The following SNX29 variants were observed in gnomAD, a reference collection of about 807,000 sequenced individuals.
The protein encoded by SNX29 is sorting nexin 29.
In SNX29, 78 loss-of-function variants were observed where a neutral mutation model predicts 102.1. That is an observed-to-expected ratio of 0.76 (90% confidence interval 0.64 to 0.92). The LOEUF (loss-of-function observed/expected upper bound fraction) is 0.92. Among genes scored for constraint, SNX29 ranks in the 40% least tolerant of loss-of-function variants. The pLI, the probability that SNX29 is intolerant of heterozygous loss-of-function variation, is 0.00. For missense variants in SNX29, 1,280 were observed against 1,061.7 expected (o/e 1.21, Z -2.86); for synonymous variants, 580 against 414.5 (o/e 1.40, Z -4.85).
At chr16:12,388,809 A>G (rs974992768) in intron 16 of SNX29, among the ~76,000 whole-genome samples, 1 of 152,150 alleles carries the variant, frequency 6.6e-6, no homozygotes, top group Non-Finnish European at 1.5e-5. Context: ...CTTGACCTGG[A>G]GGGTTCTGCC....
At chr16:12,329,307 C>A (rs537033541) in intron 15 of SNX29, among the ~76,000 whole-genome samples, 192 of 112,150 alleles carry the variant, frequency 1.7e-3, no homozygotes, top group African/African-American at 5.5e-3. Flanking sequence ...TGAAAAAATA[C>A]CCCCAGTAGC....
At chr16:12,310,530 G>A (rs2080504086) in intron 15 of SNX29, among the ~76,000 whole-genome samples, 1 of 151,010 alleles carries the variant, frequency 6.6e-6, no homozygotes, top group African/African-American at 2.5e-5. Context: ...AAAAAAAAAA[G>A]ACCATAAGGA....
chr16:12,567,559 G>A (rs375611450), intron 20 of SNX29, among the ~76,000 whole-genome samples: 1 of 152,036 alleles, frequency 6.6e-6, no homozygotes, highest in Non-Finnish European at 1.5e-5. Context: ...CTGAGCAAGA[G>A]GATCACTTGA....
chr16:12,538,079 G>C (rs923804732), intron 20 of SNX29, among the ~76,000 whole-genome samples: 1 of 150,676 alleles, frequency 6.6e-6, no homozygotes, highest in Non-Finnish European at 1.5e-5. Context: ...TTTCTTCTCA[G>C]TGGGCTAAGC....
intron 4 of SNX29, among the ~76,000 whole-genome samples, chr16:12,030,063 T>C (rs1397740673): frequency 6.6e-6 from 1 of 152,246 alleles, no homozygotes; most frequent in Admixed American, 6.5e-5. Context: ...CCTTGGGCAA[T>C]GAGGATCTGA....
rs570949479 is a variant in SNX29, at chr16:12,571,638, G to C, written c.*3009G>C. On this transcript the variant is annotated 3_prime_UTR_variant, in exon 21 of 21. Coordinates refer to ENST00000566228, the MANE Select transcript of SNX29 (RefSeq NM_032167.5). ...CTTTCACATCTTTTTTTCTCCCCCA[G>C]ATGAAAGACGACTCAGGAACGGTAG... 5.4e-5 allele frequency: 57 copies of C among 1,058,930 alleles called. No individual in the cohort carries two copies. The highest frequency in any genetic ancestry group is 6.1e-5 in the Non-Finnish European group (53 of 875,404). The allele number at this position is 1,058,930 out of a possible 1,614,324, so 65.6% of individuals were successfully genotyped here.
At chr16:12,496,572 G>A (rs1248897695) in intron 19 of SNX29, among the ~76,000 whole-genome samples, 1 of 145,354 alleles carries the variant, frequency 6.9e-6, no homozygotes, top group Non-Finnish European at 1.5e-5. Flanking sequence ...GTGCAGTGGT[G>A]CAATCTGAGT....
chr16:12,048,574 A>G lies in SNX29; in HGVS notation c.702A>G (p.Glu234=). ...SSAVSILIKP[E]QETDPLPVVS... is the part of the protein sequence containing the mutation. ...CCGTCTCCATCCTCATCAAACCTGA[A>G]CAGGAGACCGACCCCTTGCCTGTCG... The change falls in exon 7 of 21, where the codon GAA becomes GAG. Residue 234 remains glutamate, a synonymous_variant. Transcript: ENST00000566228. 6.2e-7 allele frequency: 1 copy of G among 1,613,922 alleles called. No homozygotes were observed. The highest frequency in any genetic ancestry group is 8.5e-7 in the Non-Finnish European group (1 of 1,179,854).
At chr16:12,049,469 A>G (rs2050218574) in intron 7 of SNX29, among the ~76,000 whole-genome samples, 1 of 151,382 alleles carries the variant, frequency 6.6e-6, no homozygotes, top group African/African-American at 2.4e-5. Flanking sequence ...AGTAGGTGGG[A>G]CTATAGGCAT....
intron 14 of SNX29, among the ~76,000 whole-genome samples, chr16:12,262,289 A>T (rs993148258): frequency 1.3e-5 from 2 of 152,262 alleles, no homozygotes; most frequent in Non-Finnish European, 2.9e-5. Context: ...AAATGAGGAG[A>T]CCCAGGCTCT....
At chr16:12,338,318 G>A (rs1373413246) in intron 15 of SNX29, among the ~76,000 whole-genome samples, 3 of 152,090 alleles carry the variant, frequency 2.0e-5, no homozygotes, top group Non-Finnish European at 4.4e-5. Context: ...AGTACACTCT[G>A]TTCAGAACCC....
chr16:12,078,812 C>T, intron 10 of SNX29, 21 bp from the exon 11 acceptor site: 3 of 1,584,768 alleles, frequency 1.9e-6, no homozygotes, highest in Non-Finnish European at 2.6e-6. Context: ...GTGTAACTTC[C>T]TCCTGCCTGC....
chr16:11,985,425 CTT>C (rs1283296314), intron 1 of SNX29, among the ~76,000 whole-genome samples: 1 of 152,134 alleles, frequency 6.6e-6, no homozygotes, highest in East Asian at 1.9e-4. Flanking sequence ...TATATGGTGT[CTT>C]GTAATGGAAA....
chr16:12,092,940 C>T (rs1020518507), intron 11 of SNX29, among the ~76,000 whole-genome samples: 5 of 152,172 alleles, frequency 3.3e-5, no homozygotes, highest in Non-Finnish European at 7.3e-5. Flanking sequence ...TGGCCCATAA[C>T]TTTTTATACC....
chr16:12,523,616 G>A (rs2090182956), intron 19 of SNX29, among the ~76,000 whole-genome samples: 1 of 152,224 alleles, frequency 6.6e-6, no homozygotes. Context: ...ATGGTGGGCA[G>A]TAGCTCACCA....
At chr16:12,320,264 C>G (rs1272547535) in intron 15 of SNX29, among the ~76,000 whole-genome samples, 1 of 152,084 alleles carries the variant, frequency 6.6e-6, no homozygotes, top group Non-Finnish European at 1.5e-5. Context: ...AGGAGCATAG[C>G]AGGCAGAGAG....
At chr16:12,053,383 C>T (rs928321321) in intron 8 of SNX29, 5 of 151,026 alleles carry the variant, frequency 3.3e-5, no homozygotes, top group African/African-American at 1.2e-4. Context: ...ATGACTACTG[C>T]AAAATCCAGT....
chr16:12,345,924 A>G (rs2081786555), intron 15 of SNX29, among the ~76,000 whole-genome samples: 1 of 152,176 alleles, frequency 6.6e-6, no homozygotes, highest in Non-Finnish European at 1.5e-5. Flanking sequence ...TGGACAGAAT[A>G]GTAGAATGCA....
At chr16:12,026,938 T>A (rs183478446) in intron 3 of SNX29, among the ~76,000 whole-genome samples, 125 of 152,198 alleles carry the variant, frequency 8.2e-4, no homozygotes, top group Non-Finnish European at 1.6e-3. Flanking sequence ...TGAATTAGAG[T>A]TAAAACTTGT....
Sources: gnomAD v4.1 joint callset for allele counts (sites outside exome capture counted in the v4.1 genomes callset) on GRCh38, gnomAD v4.1.1 for gene constraint, MANE v1.5 for transcripts, NCBI Gene and HGNC (gene_info 2026-07-23, HGNC 2026-07-21) for gene names.